DISP2: variants seen among roughly 807,000 people sequenced by gnomAD.
The protein encoded by DISP2 is dispatched RND transporter family member 2, also known as protein dispatched homolog 2.
In DISP2, 59 loss-of-function variants were observed where a neutral mutation model predicts 95.5. The ratio of observed to expected loss-of-function variants is 0.62; its 90% CI spans 0.50 to 0.77. The LOEUF (loss-of-function observed/expected upper bound fraction) is 0.77. DISP2 is among the 30% of genes least tolerant of loss of function. The pLI, the probability that DISP2 is intolerant of heterozygous loss-of-function variation, is 0.00. For synonymous variants in DISP2, 827 were observed against 815.0 expected (o/e 1.01, Z -0.25); for missense variants, 1,752 against 1,854.6 (o/e 0.94, Z 1.02).
intron 2 of DISP2, 53 bp downstream of exon 2, chr15:40,364,007 T>C: frequency 6.6e-7 from 1 of 1,511,476 alleles, no homozygotes; most frequent in Non-Finnish European, 8.8e-7. Context: ...GCGGTGGGGC[T>C]TAAGAGTGGG....
rs1246954408 is a variant in DISP2 at position 40,363,967 on chromosome 15, C to T, written c.449+13C>T. The stretch of plus-strand genomic sequence containing the variant: ...TGGTCAGCGTCAGGTAAGGAGGGGT[C>T]CAGCAGCCTGCCAGCTGCCACTGGA... On this transcript the variant is annotated intron_variant, in intron 2 of 7. Transcript: ENST00000267889. The T allele has an allele frequency of 9.9e-6, 15 of 1,518,108 alleles. No individual in the cohort carries two copies. Among genetic ancestry groups the T allele is most frequent in the African/African-American group, 1.4e-5 (1 of 72,254 alleles). 94.0% of individuals were successfully genotyped at this position (1,518,108 alleles called of 1,614,324 possible).
chr15:40,376,300 T>A lies in DISP2; in HGVS notation c.*5982T>A, dbSNP rs1595733528. The A allele has an allele frequency of 6.6e-6, 1 of 152,322 alleles. No homozygotes were observed. Among genetic ancestry groups the A allele is most frequent in the South Asian group, 2.1e-4 (1 of 4,834 alleles). The allele number at this position is 152,322 out of a possible 1,614,324, so 9.4% of individuals were successfully genotyped here. On this transcript the variant is annotated 3_prime_UTR_variant, in exon 8 of 8. Coordinates refer to ENST00000267889, the MANE Select transcript of DISP2 (RefSeq NM_033510.3). ...GCTTGGGCAACATAGCAAGATCCCGTATCTACAAAAAATAATTTTAAAAAT... is the reference window on the plus strand; with the variant it reads ...GCTTGGGCAACATAGCAAGATCCCGAATCTACAAAAAATAATTTTAAAAAT...
At chr15:40,362,895 A>G (rs1889427129) in intron 1 of DISP2, among the ~76,000 whole-genome samples, 1 of 152,260 alleles carries the variant, frequency 6.6e-6, no homozygotes, top group South Asian at 2.1e-4. Context: ...CAGAAAGAGC[A>G]CAGGACTGCA....
At chr15:40,364,629 A>G (rs971501115) in intron 4 of DISP2, 85 bp downstream of exon 4, 1 of 1,561,348 alleles carries the variant, frequency 6.4e-7, no homozygotes, top group African/African-American at 1.4e-5. Flanking sequence ...TAGGGTAGCC[A>G]TGGTAGCCTG....
At position 40,365,163 on chromosome 15, in the gene DISP2, A is replaced by C; in HGVS notation, c.736A>C (p.Thr246Pro). ...CCACTTCAGCTCGAGCTCCCACAAC[A>C]CTCTGAGGCCTGCACCCAGAGGCAG... The part of the protein sequence containing the change: ...LELNSSSSHN[T>P]LRPAPRGSAQ... The change falls in exon 6 of 8, where the codon ACT (threonine) becomes CCT (proline). Residue 246 changes from threonine (T) to proline (P), a missense_variant. Thr to Pro is a conservative substitution (Grantham distance 38). Transcript: ENST00000267889. 1 of 1,613,650 alleles carries C rather than the reference A, an allele frequency of 6.2e-7. No individual in the cohort carries two copies. Among genetic ancestry groups the C allele is most frequent in the Non-Finnish European group, 8.5e-7 (1 of 1,179,856 alleles).
chr15:40,365,411 G>A, intron 6 of DISP2, 137 bp downstream of exon 6: 3 of 1,449,884 alleles, frequency 2.1e-6, no homozygotes, highest in South Asian at 2.7e-5. Context: ...AAGGAAGCCG[G>A]GTTACAGCTG....
Position 40,370,327 on chromosome 15 carries a change from C to T in DISP2, c.*9C>T, listed in dbSNP as rs369268020. 11 of 1,519,948 alleles carry T rather than the reference C, an allele frequency of 7.2e-6. No homozygotes were observed. The highest frequency in any genetic ancestry group is 4.3e-5 in the Admixed American group (2 of 46,928). The allele number at this position is 1,519,948 out of a possible 1,614,324, so 94.2% of individuals were successfully genotyped here. On this transcript the variant is annotated 3_prime_UTR_variant, in exon 8 of 8. Transcript: ENST00000267889. ...CAGGCTATAGCAGCTGAGGGGGACCCGGGGAGGCTGGACAGGGCGCGGAAC... is the reference window on the plus strand; with the variant it reads ...CAGGCTATAGCAGCTGAGGGGGACCTGGGGAGGCTGGACAGGGCGCGGAAC...
chr15:40,369,522 G>A lies in DISP2; in HGVS notation c.3410G>A (p.Gly1137Glu), dbSNP rs376137592. 5.6e-6 allele frequency: 9 copies of A among 1,612,910 alleles called. No homozygotes were observed. Among genetic ancestry groups the A allele is most frequent in the African/African-American group, 5.3e-5 (4 of 74,926 alleles). ...CACCTGCCATGGGATGCTGGTACTG[G>A]GGACCCTGGTGGGGAGAAGGCAGGC... ...CAHLPWDAGT[G>E]DPGGEKAGRP... The change falls in exon 8 of 8, where the codon GGG becomes GAG. Residue 1137 changes from glycine to glutamate, a missense_variant. This residue lies in a region of DISP2 where 347 missense variants were observed against 344.2 expected (regional missense o/e 1.01). Transcript: ENST00000267889.
chr15:40,378,422 A>G lies in DISP2; in HGVS notation c.*8104A>G, dbSNP rs1327543097. ...TGTGTTTATTATCTTAATTGTGGTG[A>G]TGGTTTCACAGGTATATGTAATTTC... On this transcript the variant is annotated 3_prime_UTR_variant, in exon 8 of 8. Coordinates refer to ENST00000267889, the MANE Select transcript of DISP2 (RefSeq NM_033510.3). 6.6e-6 allele frequency: 1 copy of G among 152,148 alleles called. No homozygotes were observed. Among genetic ancestry groups the G allele is most frequent in the Non-Finnish European group, 1.5e-5 (1 of 68,026 alleles). The allele number at this position is 152,148 out of a possible 1,614,324, so 9.4% of individuals were successfully genotyped here.
Position 40,367,687 on chromosome 15 carries a change from G to A in DISP2, c.1575G>A (p.Leu525=), listed in dbSNP as rs1262718387. 1.9e-6 allele frequency: 3 copies of A among 1,613,856 alleles called. No individual in the cohort carries two copies. The highest frequency in any genetic ancestry group is 2.5e-6 in the Non-Finnish European group (3 of 1,180,018). The part of the protein sequence containing the change: ...MVLLGVLGSL[L]VAFFLYQVAF... ...TGCTGGGGGTGCTGGGCTCACTGCT[G>A]GTGGCCTTCTTCCTTTACCAGGTGG... The change falls in exon 8 of 8, where the codon CTG becomes CTA. Residue 525 remains leucine, a synonymous_variant. Coordinates refer to ENST00000267889, the MANE Select transcript of DISP2 (RefSeq NM_033510.3).
At chr15:40,365,511 G>A in intron 6 of DISP2, 117 bp from the exon 7 acceptor site, 3 of 1,340,178 alleles carry the variant, frequency 2.2e-6, no homozygotes, top group Non-Finnish European at 3.2e-6. Context: ...TCCATGCACA[G>A]GCTTGAGATG....
At position 40,369,795 on chromosome 15, in the gene DISP2, G is replaced by T; in HGVS notation, c.3683G>T (p.Cys1228Phe). Residue 1228 changes from cysteine (C) to phenylalanine (F), a missense_variant, in exon 8 of 8, where the codon TGC (cysteine) becomes TTC (phenylalanine). Cys to Phe is a radical substitution (Grantham distance 205). This residue lies in a region of DISP2 where 347 missense variants were observed against 344.2 expected (regional missense o/e 1.01). Transcript: ENST00000267889. Reference protein sequence around the residue: ...LLDHQAVFSQCPALQTSSPYK... With the variant: ...LLDHQAVFSQFPALQTSSPYK... The stretch of plus-strand genomic sequence containing the variant: ...GACCACCAGGCAGTCTTCAGCCAGT[G>T]CCCTGCCCTGCAGACCTCCTCCCCC... 2 of 1,600,396 alleles carry T rather than the reference G, an allele frequency of 1.2e-6. No homozygotes were observed. The highest frequency in any genetic ancestry group is 1.7e-6 in the Non-Finnish European group (2 of 1,172,490).
At chr15:40,364,313 C>G (rs1227368473) in intron 3 of DISP2, 58 bp downstream of exon 3, 1 of 1,613,854 alleles carries the variant, frequency 6.2e-7, no homozygotes, top group African/African-American at 1.3e-5. Context: ...CCAGTTAGCC[C>G]TGTTCCCCGT....
rs1293826407 is a variant in DISP2 at position 40,369,470 on chromosome 15, T to C, written c.3358T>C (p.Cys1120Arg). The change falls in exon 8 of 8, where the codon TGT (cysteine) becomes CGT (arginine). Residue 1120 changes from cysteine to arginine, a missense_variant. By Grantham distance (180) the Cys-to-Arg change is radical (BLOSUM62 -3). Around this residue, in one of 5 missense-constraint regions of DISP2, gnomAD observed 317 missense variants for 394.9 expected, o/e 0.80. Transcript: ENST00000267889. ...LCCFFGPEKNCGQILWPCAHL... is the reference protein window; with the variant it reads ...LCCFFGPEKNRGQILWPCAHL... ...CTGTTTCTTCGGGCCAGAGAAGAAC[T>C]GTGGGCAGATCCTCTGGCCCTGTGC... 2.5e-6 allele frequency: 4 copies of C among 1,613,184 alleles called. No individual in the cohort carries two copies. The highest frequency in any genetic ancestry group is 3.4e-6 in the Non-Finnish European group (4 of 1,180,016).
chr15:40,359,504 G>A (rs2141257896), intron 1 of DISP2, among the ~76,000 whole-genome samples: 1 of 152,332 alleles, frequency 6.6e-6, no homozygotes, highest in South Asian at 2.1e-4. Context: ...ACCAGTCCAG[G>A]GACCTGCCTG....
chr15:40,365,513 C>G lies in DISP2; in HGVS notation c.848-115C>G. Reference sequence around the variant, plus strand: ...CAGGATCAGGCAGTCCATGCACAGGCTTGAGATGCCTGAGAATCTGAACCT... The same window carrying G: ...CAGGATCAGGCAGTCCATGCACAGGGTTGAGATGCCTGAGAATCTGAACCT... On this transcript the variant is annotated intron_variant, in intron 6 of 7. Transcript: ENST00000267889. 6 of 1,350,204 alleles carry G rather than the reference C, an allele frequency of 4.4e-6. No individual in the cohort carries two copies. The South Asian group carries it at 7.5e-5, about 17-fold the overall frequency. The allele number at this position is 1,350,204 out of a possible 1,614,324, so 83.6% of individuals were successfully genotyped here.
intron 1 of DISP2, among the ~76,000 whole-genome samples, chr15:40,359,154 G>A (rs1041279748): frequency 6.6e-6 from 1 of 152,206 alleles, no homozygotes; most frequent in Non-Finnish European, 1.5e-5. Context: ...CCATATGTGT[G>A]AGGGAACAGC....
chr15:40,359,783 A>G (rs1370827549), intron 1 of DISP2, among the ~76,000 whole-genome samples: 1 of 152,276 alleles, frequency 6.6e-6, no homozygotes, highest in Non-Finnish European at 1.5e-5. Flanking sequence ...AAGAAACACA[A>G]AAATGCTCCT....
intron 6 of DISP2, 28 bp from the exon 7 acceptor site, chr15:40,365,600 A>C: frequency 1.9e-6 from 3 of 1,612,914 alleles, no homozygotes; most frequent in Non-Finnish European, 1.7e-6. Flanking sequence ...CAAAGGACTG[A>C]GCTCCAGGTT....
Sources: gnomAD v4.1 joint callset for allele counts (sites outside exome capture counted in the v4.1 genomes callset) on GRCh38, gnomAD v4.1.1 for gene constraint, gnomAD v4.1.1 regional missense constraint, MANE v1.5 for transcripts, NCBI Gene and HGNC (gene_info 2026-07-23, HGNC 2026-07-21) for gene names.